The following WDR27 variants were observed in gnomAD, a reference collection of about 807,000 sequenced individuals.
The protein encoded by WDR27 is WD repeat-containing protein 27.
In WDR27, 100 loss-of-function variants were observed where a neutral mutation model predicts 114.4. The ratio of observed to expected loss-of-function variants is 0.87; its 90% CI spans 0.74 to 1.03. WDR27 has a LOEUF of 1.03. Among genes scored for constraint, WDR27 ranks in the 50% least tolerant of loss-of-function variants. WDR27 has a pLI of 0.00. For synonymous variants in WDR27, 449 were observed against 423.1 expected (o/e 1.06, Z -0.75); for missense variants, 1,129 against 1,092.9 (o/e 1.03, Z -0.47).
intron 25 of WDR27, among the ~76,000 whole-genome samples, chr6:169,484,698 A>G (rs532718424): frequency 1.3e-5 from 2 of 152,374 alleles, no homozygotes; most frequent in African/African-American, 2.4e-5. Context: ...GAACCAAAAA[A>G]GAGCCTGAAT....
At chr6:169,566,534 G>C (rs1800529015) in intron 25 of WDR27, among the ~76,000 whole-genome samples, 1 of 152,218 alleles carries the variant, frequency 6.6e-6, no homozygotes, top group African/African-American at 2.4e-5. Flanking sequence ...TAAATATTTT[G>C]ACGATGACCA....
rs185776104 is a variant in WDR27 at position 169,646,494 on chromosome 6, C to T, written c.1657+1279G>A. 1.2e-3 allele frequency among the ~76,000 whole-genome samples: 187 copies of T among 152,284 alleles called. 2 individuals carry two copies. Among genetic ancestry groups the T allele is most frequent in the African/African-American group, 4.4e-3 (184 of 41,566 alleles). On this transcript the variant is annotated intron_variant, in intron 16 of 25. Coordinates refer to ENST00000448612, the MANE Select transcript of WDR27 (RefSeq NM_182552.5). ...GGGCGCAGCGGCTCACACCTGTAAT[C>T]CCAGCACTTTGGGAGGCTGAGGCAG...
the WDR27 span, among the ~76,000 whole-genome samples, chr6:169,444,348 G>C: frequency 6.6e-6 from 1 of 152,342 alleles, no homozygotes; most frequent in East Asian, 1.9e-4. Flanking sequence ...AGACTGTGCA[G>C]TGTGTTTGTC....
intron 25 of WDR27, among the ~76,000 whole-genome samples, chr6:169,462,496 GAAA>G (rs1785043392): frequency 6.6e-6 from 1 of 151,972 alleles, no homozygotes; most frequent in African/African-American, 2.4e-5. Flanking sequence ...GAGAGAGAAA[GAAA>G]GAAAGAAAGA....
intron 9 of WDR27, 104 bp downstream of exon 9, chr6:169,662,200 A>T: frequency 7.6e-7 from 1 of 1,307,510 alleles, no homozygotes; most frequent in Non-Finnish European, 1.1e-6. Context: ...AGACCAAAAT[A>T]ATTTGGTTTT....
At chr6:169,668,208 A>T (rs1279215118) in intron 4 of WDR27, 23 bp from the exon 5 acceptor site, 2 of 1,612,162 alleles carry the variant, frequency 1.2e-6, no homozygotes, top group Non-Finnish European at 8.5e-7. Context: ...AGCCCAAATT[A>T]TTCCTCTGTT....
At chr6:169,621,672 A>G (rs1479956163) in intron 21 of WDR27, among the ~76,000 whole-genome samples, 1 of 151,922 alleles carries the variant, frequency 6.6e-6, no homozygotes, top group African/African-American at 2.4e-5. Context: ...TCACGCATAT[A>G]CATACCCACA....
chr6:169,464,530 G>T (rs1224895051), intron 25 of WDR27, among the ~76,000 whole-genome samples: 2 of 152,168 alleles, frequency 1.3e-5, no homozygotes, highest in African/African-American at 4.8e-5. Flanking sequence ...AAATAGACAA[G>T]TGGAAAAATT....
chr6:169,438,062 C>T, the WDR27 span, among the ~76,000 whole-genome samples: 33 of 152,082 alleles, frequency 2.2e-4, no homozygotes, highest in South Asian at 1.9e-3. Flanking sequence ...TTCTTCACCC[C>T]CAAGTAGTCT....
rs541015165 is a variant in WDR27 at position 169,679,215 on chromosome 6, A to G, written c.190-6819T>C. Among the ~76,000 whole-genome samples, 17 of 152,306 alleles carry G rather than the reference A, an allele frequency of 1.1e-4. No homozygotes were observed. In the East Asian group the frequency reaches 3.3e-3, roughly 29 times the overall value. ...TGCCTCCCTGAAATATATAAAATGA[A>G]GCTGTGCCCTGACCACCTTGGGCAC... is the stretch of plus-strand genomic sequence containing the variant. On this transcript the variant is annotated intron_variant, in intron 2 of 25. Coordinates refer to ENST00000448612, the MANE Select transcript of WDR27 (RefSeq NM_182552.5).
intron 2 of WDR27, among the ~76,000 whole-genome samples, chr6:169,673,243 A>G (rs1779211121): frequency 6.6e-6 from 1 of 152,160 alleles, no homozygotes; most frequent in Non-Finnish European, 1.5e-5. Flanking sequence ...CTGGGGGTCC[A>G]TAGTAAGCTG....
At chr6:169,498,608 C>T (rs961923464) in intron 25 of WDR27, among the ~76,000 whole-genome samples, 4 of 152,098 alleles carry the variant, frequency 2.6e-5, no homozygotes, top group African/African-American at 9.7e-5. Flanking sequence ...ATAAATTGGT[C>T]TCCATCAGAA....
At chr6:169,646,685 T>A (rs1057138246) in intron 16 of WDR27, among the ~76,000 whole-genome samples, 1 of 151,376 alleles carries the variant, frequency 6.6e-6, no homozygotes, top group African/African-American at 2.4e-5. Context: ...GAGGCGGAGA[T>A]TGCAGTGAGC....
At chr6:169,519,748 A>C (rs765838581) in intron 25 of WDR27, among the ~76,000 whole-genome samples, 1 of 152,148 alleles carries the variant, frequency 6.6e-6, no homozygotes, top group Non-Finnish European at 1.5e-5. Context: ...TATACACACC[A>C]ATATTATCCC....
At chr6:169,568,853 T>C (rs1250609135) in intron 25 of WDR27, among the ~76,000 whole-genome samples, 1 of 152,194 alleles carries the variant, frequency 6.6e-6, no homozygotes, top group Non-Finnish European at 1.5e-5. Context: ...AAATGGGTTG[T>C]TCTTTCATTT....
At chr6:169,692,475 G>A (rs961357389) in intron 1 of WDR27, among the ~76,000 whole-genome samples, 19 of 150,270 alleles carry the variant, frequency 1.3e-4, no homozygotes, top group South Asian at 4.1e-4. Flanking sequence ...AGCCATGCTC[G>A]TTTTCTCAGT....
intron 2 of WDR27, among the ~76,000 whole-genome samples, chr6:169,676,890 C>T (rs1358218586): frequency 6.6e-6 from 1 of 152,210 alleles, no homozygotes; most frequent in Non-Finnish European, 1.5e-5. Context: ...TGTAGCCTGA[C>T]CATCACGCAC....
chr6:169,568,083 C>T (rs183759027), intron 25 of WDR27, among the ~76,000 whole-genome samples: 9 of 152,310 alleles, frequency 5.9e-5, no homozygotes, highest in Admixed American at 3.3e-4. Context: ...CCAGGAAGAG[C>T]GTCTCCCTCA....
chr6:169,674,187 T>C (rs1048092940), intron 2 of WDR27, among the ~76,000 whole-genome samples: 1 of 152,114 alleles, frequency 6.6e-6, no homozygotes, highest in African/African-American at 2.4e-5. Flanking sequence ...CAACCAGGTA[T>C]TCAAGGAGAC....
Sources: allele counts gnomAD v4.1 joint callset (sites outside exome capture counted in the v4.1 genomes callset), GRCh38; gene constraint gnomAD v4.1.1; transcripts MANE v1.5; gene names NCBI Gene and HGNC (gene_info 2026-07-23, HGNC 2026-07-21).